The following HDAC9 variants were observed in gnomAD, a reference collection of about 807,000 sequenced individuals.
HDAC9 encodes histone deacetylase 9.
Under a neutral mutation model 139.4 loss-of-function variants are expected in HDAC9, and 41 were observed. The observed-to-expected ratio is 0.29, with a 90% CI of 0.23 to 0.38. HDAC9 has a LOEUF of 0.38. Ranked by LOEUF, HDAC9 falls within the 10% of genes least tolerant of loss-of-function variation. The pLI, the probability that HDAC9 is intolerant of heterozygous loss-of-function variation, is 1.00. For missense variants in HDAC9, 1,147 were observed against 1,297.0 expected (o/e 0.88, Z 1.78); for synonymous variants, 517 against 476.2 (o/e 1.09, Z -1.12).
intron 12 of HDAC9, among the ~76,000 whole-genome samples, chr7:18,690,637 A>G (rs770587649): frequency 3.2e-4 from 48 of 151,758 alleles, no homozygotes; most frequent in Non-Finnish European, 7.4e-5. Flanking sequence ...AGTACCATTT[A>G]TTTTTTTTAA....
At chr7:18,643,952 A>G (rs1484095614) in intron 8 of HDAC9, among the ~76,000 whole-genome samples, 1 of 152,074 alleles carries the variant, frequency 6.6e-6, no homozygotes, top group Non-Finnish European at 1.5e-5. Flanking sequence ...TCAAGCAACC[A>G]TATTAGGCCA....
intron 2 of HDAC9, among the ~76,000 whole-genome samples, chr7:18,507,925 A>G (rs547404454): frequency 6.6e-5 from 10 of 152,376 alleles, no homozygotes; most frequent in Admixed American, 1.3e-4. Flanking sequence ...AAGGAACAAC[A>G]TAACATGTTG....
intron 2 of HDAC9, among the ~76,000 whole-genome samples, chr7:18,202,701 A>G (rs1162147213): frequency 6.6e-6 from 1 of 152,216 alleles, no homozygotes; most frequent in African/African-American, 2.4e-5. Flanking sequence ...TTGCGTGAGC[A>G]GCTTAACAGA....
chr7:18,912,104 T>G (rs1161908483), intron 22 of HDAC9, among the ~76,000 whole-genome samples: 1 of 152,058 alleles, frequency 6.6e-6, no homozygotes, highest in East Asian at 1.9e-4. Flanking sequence ...CTAACTATTT[T>G]CATATTGGGA....
chr7:18,289,701 G>C (rs1038938098), upstream of HDAC9, among the ~76,000 whole-genome samples: 7 of 152,088 alleles, frequency 4.6e-5, no homozygotes, highest in African/African-American at 1.7e-4. Flanking sequence ...TAGGGTTCTG[G>C]AGTGACAGTG....
chr7:18,943,310 T>C (rs1272745705), intron 23 of HDAC9, among the ~76,000 whole-genome samples: 3 of 152,164 alleles, frequency 2.0e-5, no homozygotes, highest in Non-Finnish European at 4.4e-5. Context: ...TTTCTCATTA[T>C]GTTGTATATC....
At chr7:18,925,173 A>G (rs1276485621) in intron 22 of HDAC9, among the ~76,000 whole-genome samples, 1 of 152,148 alleles carries the variant, frequency 6.6e-6, no homozygotes, top group Admixed American at 6.6e-5. Context: ...TGATTGTAGT[A>G]CTAATGCATT....
At chr7:18,918,228 C>G (rs1803382880) in intron 22 of HDAC9, among the ~76,000 whole-genome samples, 1 of 151,806 alleles carries the variant, frequency 6.6e-6, no homozygotes, top group Non-Finnish European at 1.5e-5. Flanking sequence ...AAAACATTCA[C>G]TGATGAACCA....
At chr7:18,767,886 T>C (rs149510891) in intron 16 of HDAC9, among the ~76,000 whole-genome samples, 3 of 152,352 alleles carry the variant, frequency 2.0e-5, no homozygotes, top group African/African-American at 4.8e-5. Flanking sequence ...CTAAGGTATT[T>C]AAGTCAATTA....
At chr7:18,554,209 T>TTA (rs1818016704) in intron 2 of HDAC9, among the ~76,000 whole-genome samples, 1 of 152,110 alleles carries the variant, frequency 6.6e-6, no homozygotes, top group Non-Finnish European at 1.5e-5. Flanking sequence ...AGAACTGTAT[T>TTA]GTCTATATTG....
intron 1 of HDAC9, among the ~76,000 whole-genome samples, chr7:18,444,341 GAAAAAAAAAAAAAA>G (rs754142568): frequency 8.5e-5 from 3 of 35,166 alleles, no homozygotes; most frequent in Admixed American, 7.4e-4. Flanking sequence ...GACCCTGTCT[GAAAAAAAAAAAAAA>G]AAAAAAAAAA....
intron 1 of HDAC9, among the ~76,000 whole-genome samples, chr7:18,132,145 A>G (rs1324689205): frequency 6.6e-6 from 1 of 152,092 alleles, no homozygotes; most frequent in Non-Finnish European, 1.5e-5. Context: ...CCCAAGTCAC[A>G]GCAATTAAGG....
At chr7:18,588,002 C>T (rs1452904789) in intron 3 of HDAC9, among the ~76,000 whole-genome samples, 1 of 152,058 alleles carries the variant, frequency 6.6e-6, no homozygotes, top group African/African-American at 2.4e-5. Flanking sequence ...CCTTCTGCTA[C>T]CATGGAATAT....
chr7:18,928,992 T>G (rs1252026585), intron 22 of HDAC9, among the ~76,000 whole-genome samples: 1 of 152,086 alleles, frequency 6.6e-6, no homozygotes, highest in African/African-American at 2.4e-5. Flanking sequence ...TAATGAAAAT[T>G]AAAATAAAGC....
intron 1 of HDAC9, among the ~76,000 whole-genome samples, chr7:18,132,107 C>T (rs567146716): frequency 1.3e-5 from 2 of 152,052 alleles, no homozygotes; most frequent in Non-Finnish European, 2.9e-5. Flanking sequence ...TTCTCTATTG[C>T]GTGTTCATTT....
chr7:18,980,440 T>A (rs549398857), intron 25 of HDAC9, among the ~76,000 whole-genome samples: 6 of 152,332 alleles, frequency 3.9e-5, no homozygotes, highest in Admixed American at 3.9e-4. Context: ...CACAGTTGTT[T>A]GCTCAAGGGC....
chr7:18,900,960 C>A (rs1339809149), intron 22 of HDAC9, among the ~76,000 whole-genome samples: 2 of 151,948 alleles, frequency 1.3e-5, no homozygotes, highest in Non-Finnish European at 2.9e-5. Flanking sequence ...GCCCCTTACT[C>A]CATTTGCATG....
intron 12 of HDAC9, among the ~76,000 whole-genome samples, chr7:18,720,310 AATTT>A (rs1256916758): frequency 1.3e-5 from 2 of 151,728 alleles, no homozygotes; most frequent in East Asian, 1.9e-4. Context: ...CATTTTAATT[AATTT>A]ATTTAATTTT....
chr7:18,360,336 C>T (rs1783678473), intron 1 of HDAC9, among the ~76,000 whole-genome samples: 1 of 152,202 alleles, frequency 6.6e-6, no homozygotes, highest in African/African-American at 2.4e-5. Flanking sequence ...CGTACTCCTT[C>T]AGTCATTTAG....
Sources: gnomAD v4.1 joint callset for allele counts (sites outside exome capture counted in the v4.1 genomes callset) on GRCh38, gnomAD v4.1.1 for gene constraint, MANE v1.5 for transcripts, NCBI Gene and HGNC (gene_info 2026-07-23, HGNC 2026-07-21) for gene names.